Variants in SOX6 observed in about 807,000 individuals in gnomAD.
The protein encoded by SOX6 is transcription factor SOX-6.
A neutral mutation model predicts 97.8 loss-of-function variants in SOX6; 11 were observed. The observed-to-expected ratio is 0.11, with a 90% CI of 0.07 to 0.19. SOX6 has a LOEUF of 0.19. Among genes scored for constraint, SOX6 ranks in the 10% least tolerant of loss-of-function variants. The pLI, the probability that SOX6 is intolerant of heterozygous loss-of-function variation, is 1.00. For missense variants in SOX6, 810 were observed against 1,039.5 expected (o/e 0.78, Z 3.04); for synonymous variants, 360 against 371.4 (o/e 0.97, Z 0.35).
At chr11:16,049,617 T>C (rs1313889400) in intron 11 of SOX6, 138 bp downstream of exon 11, 6 of 1,002,498 alleles carry the variant, frequency 6.0e-6, no homozygotes, top group Non-Finnish European at 9.0e-6. Flanking sequence ...TAAATTGGGT[T>C]ATGTTTCAGT....
At chr11:16,287,298 T>TCTCA (rs1554953497) in intron 3 of SOX6, among the ~76,000 whole-genome samples, 4 of 123,524 alleles carry the variant, frequency 3.2e-5, no homozygotes, top group African/African-American at 9.7e-5. Context: ...TCTCTCTCTC[T>TCTCA]CACACACACA....
chr11:16,608,990 C>T (rs1017571725), intron 4 of SOX6, among the ~76,000 whole-genome samples: 1 of 151,840 alleles, frequency 6.6e-6, no homozygotes. Flanking sequence ...AATAAAAGAC[C>T]CCCAGACAAA....
At chr11:16,589,233 T>C (rs971093228) in intron 4 of SOX6, among the ~76,000 whole-genome samples, 1 of 152,170 alleles carries the variant, frequency 6.6e-6, no homozygotes, top group Non-Finnish European at 1.5e-5. Flanking sequence ...TCTATTTCAG[T>C]AGTCTCCAAA....
chr11:16,354,610 C>T (rs1355511338), intron 1 of SOX6, among the ~76,000 whole-genome samples: 1 of 151,980 alleles, frequency 6.6e-6, no homozygotes, highest in Non-Finnish European at 1.5e-5. Context: ...GAGTCCTGAG[C>T]TGTAGGTGCC....
intron 9 of SOX6, among the ~76,000 whole-genome samples, chr11:16,086,751 G>A (rs1848586628): frequency 1.3e-5 from 2 of 152,258 alleles, no homozygotes; most frequent in Admixed American, 1.3e-4. Context: ...CACGGAATAA[G>A]ATAAGACAGT....
intron 4 of SOX6, among the ~76,000 whole-genome samples, chr11:16,233,193 G>C (rs1852911498): frequency 6.6e-6 from 1 of 152,034 alleles, no homozygotes; most frequent in Non-Finnish European, 1.5e-5. Context: ...AAAGTTGTTG[G>C]ATAAATTCAG....
At chr11:16,314,341 C>A (rs947545062) in intron 3 of SOX6, 1 of 152,190 alleles carries the variant, frequency 6.6e-6, no homozygotes, top group African/African-American at 2.4e-5. Context: ...CCAAGACCAA[C>A]TAAGACCCAT....
chr11:16,353,284 A>T (rs1856994209), intron 1 of SOX6, among the ~76,000 whole-genome samples: 1 of 152,150 alleles, frequency 6.6e-6, no homozygotes, highest in Middle Eastern at 3.4e-3. Flanking sequence ...TATGTATTTA[A>T]CACACTACCC....
intron 2 of SOX6, among the ~76,000 whole-genome samples, chr11:16,736,042 C>A (rs578123016): frequency 6.6e-6 from 1 of 152,278 alleles, no homozygotes; most frequent in Non-Finnish European, 1.5e-5. Context: ...CTCTCCTTGT[C>A]TTTACTACCC....
At chr11:16,611,033 G>A (rs1433713048) in intron 4 of SOX6, among the ~76,000 whole-genome samples, 2 of 152,322 alleles carry the variant, frequency 1.3e-5, no homozygotes, top group African/African-American at 2.4e-5. Flanking sequence ...GGGTGGGGCT[G>A]ACTTACCTGC....
chr11:16,402,662 A>G, intron 1 of SOX6: 1 of 1,610,616 alleles, frequency 6.2e-7, no homozygotes, highest in East Asian at 2.2e-5. Context: ...CTCTTACCCC[A>G]TTTTTCTTCT....
intron 4 of SOX6, among the ~76,000 whole-genome samples, chr11:16,495,448 G>A (rs146245434): frequency 7.7e-4 from 117 of 152,248 alleles, no homozygotes; most frequent in African/African-American, 2.7e-3. Flanking sequence ...TCATCTGGGT[G>A]CTTGGGGATT....
chr11:16,259,608 G>C (rs1361458224), intron 3 of SOX6, among the ~76,000 whole-genome samples: 1 of 152,122 alleles, frequency 6.6e-6, no homozygotes, highest in African/African-American at 2.4e-5. Context: ...ACAAATATCT[G>C]CTACAACATT....
intron 3 of SOX6, among the ~76,000 whole-genome samples, chr11:16,303,380 G>T (rs1855324528): frequency 6.6e-6 from 1 of 152,132 alleles, no homozygotes; most frequent in Non-Finnish European, 1.5e-5. Flanking sequence ...ATCAATAAAT[G>T]TAAAATAACA....
At chr11:16,216,120 C>G (rs1565025895) in intron 4 of SOX6, among the ~76,000 whole-genome samples, 1 of 152,138 alleles carries the variant, frequency 6.6e-6, no homozygotes, top group Non-Finnish European at 1.5e-5. Flanking sequence ...CATCTCATGG[C>G]ACTGGTTTGA....
chr11:16,706,449 CAAAAAAAAA>C (rs71047512), intron 3 of SOX6, among the ~76,000 whole-genome samples: 7 of 2,450 alleles, frequency 2.9e-3, no homozygotes, highest in African/African-American at 6.4e-3. Context: ...GAACCTATCA[CAAAAAAAAA>C]AAAAAAAAAA....
chr11:16,639,975 C>T (rs997685649), intron 3 of SOX6, among the ~76,000 whole-genome samples: 1 of 152,086 alleles, frequency 6.6e-6, no homozygotes, highest in African/African-American at 2.4e-5. Flanking sequence ...AGAGGGCATC[C>T]CTGTCTTGTG....
chr11:16,645,444 G>C (rs1848999320), intron 3 of SOX6, among the ~76,000 whole-genome samples: 1 of 152,100 alleles, frequency 6.6e-6, no homozygotes, highest in Non-Finnish European at 1.5e-5. Context: ...GTTATGGGTT[G>C]AATTGTTGTC....
intron 6 of SOX6, among the ~76,000 whole-genome samples, chr11:16,149,202 G>A (rs540666266): frequency 9.2e-5 from 14 of 152,152 alleles, no homozygotes; most frequent in African/African-American, 3.4e-4. Flanking sequence ...AAAGTTCAAG[G>A]TTTCTAAGCT....
Sources: gnomAD v4.1 joint callset for allele counts (sites outside exome capture counted in the v4.1 genomes callset) on GRCh38, gnomAD v4.1.1 for gene constraint, MANE v1.5 for transcripts, NCBI Gene and HGNC (gene_info 2026-07-23, HGNC 2026-07-21) for gene names.